The following ITGB5 variants were observed in gnomAD, a reference collection of about 807,000 sequenced individuals.
ITGB5 encodes integrin beta-5.
A neutral mutation model predicts 84.8 loss-of-function variants in ITGB5; 38 were observed. That is an observed-to-expected ratio of 0.45 (90% confidence interval 0.35 to 0.59). The LOEUF (loss-of-function observed/expected upper bound fraction) is 0.59, where lower values mean the gene tolerates loss of function less well. Among genes scored for constraint, ITGB5 ranks in the 20% least tolerant of loss-of-function variants. The probability of loss-of-function intolerance (pLI) is 0.01; values close to 1 mark genes in which losing one functional copy is unlikely to be tolerated. For missense variants in ITGB5, 905 were observed against 1,034.5 expected (o/e 0.87, Z 1.72); for synonymous variants, 393 against 414.4 (o/e 0.95, Z 0.63).
At chr3:124,793,733 C>G (rs967817049) in intron 10 of ITGB5, among the ~76,000 whole-genome samples, 3 of 152,258 alleles carry the variant, frequency 2.0e-5, no homozygotes, top group Admixed American at 1.3e-4. Context: ...CCAGACAGAA[C>G]CATCTAGCTA....
At chr3:124,818,363 C>A (rs2064639549) in intron 7 of ITGB5, among the ~76,000 whole-genome samples, 2 of 152,116 alleles carry the variant, frequency 1.3e-5, no homozygotes, top group African/African-American at 4.8e-5. Context: ...CTTCCTCCCC[C>A]AAGCAAGGTG....
At chr3:124,777,596 T>C (rs117204689) in intron 10 of ITGB5, among the ~76,000 whole-genome samples, 2,095 of 152,308 alleles carry the variant, frequency 0.014, 34 homozygotes, top group South Asian at 0.044. Flanking sequence ...TTCTCCACAC[T>C]TGTGGCAGGC....
chr3:124,776,396 A>G (rs2063927450), intron 10 of ITGB5, among the ~76,000 whole-genome samples: 2 of 152,212 alleles, frequency 1.3e-5, no homozygotes, highest in African/African-American at 4.8e-5. Context: ...TTCAATTAAA[A>G]TGGCTCACTG....
chr3:124,887,514 C>A (rs917690865), upstream of ITGB5: 3 of 183,852 alleles, frequency 1.6e-5, no homozygotes, highest in African/African-American at 7.2e-5. Flanking sequence ...GGGCGAGCTC[C>A]GGGCCGGGCC....
intron 5 of ITGB5, among the ~76,000 whole-genome samples, chr3:124,828,492 A>G (rs2064815792): frequency 6.6e-6 from 1 of 152,222 alleles, no homozygotes; most frequent in Non-Finnish European, 1.5e-5. Flanking sequence ...AAGCAAATTC[A>G]TTGCCTGGGG....
intron 2 of ITGB5, among the ~76,000 whole-genome samples, chr3:124,866,369 C>T (rs2065390466): frequency 6.6e-6 from 1 of 152,232 alleles, no homozygotes; most frequent in African/African-American, 2.4e-5. Flanking sequence ...GCATCACAGC[C>T]AGTGCATTCA....
chr3:124,791,378 A>T (rs2064148054), intron 10 of ITGB5: 1 of 152,198 alleles, frequency 6.6e-6, no homozygotes, highest in Non-Finnish European at 1.5e-5. Flanking sequence ...GTAATAACAG[A>T]GTTGTTCAAT....
rs141443978 is a variant in ITGB5 at position 124,824,242 on chromosome 3, C to T, written c.781-2768G>A. Among the ~76,000 whole-genome samples the T allele has an allele frequency of 1.5e-4, 23 of 152,268 alleles. No individual in the cohort carries two copies. The East Asian group carries it at 4.4e-3, about 29-fold the overall frequency. On this transcript the variant is annotated intron_variant, in intron 5 of 14. Transcript: ENST00000296181. ...ACAAAATATATGCAATGACAGAATG[C>T]ATAGATCAGTGGACTGGGATAGATA...
intron 1 of ITGB5, among the ~76,000 whole-genome samples, chr3:124,874,306 GAA>G (rs59287818): frequency 0.03 from 3,409 of 113,316 alleles, 56 homozygotes; most frequent in Non-Finnish European, 0.045. Context: ...TCAAAAGCCG[GAA>G]AAAAAAAAAA....
chr3:124,828,550 C>T (rs898780777), intron 5 of ITGB5, among the ~76,000 whole-genome samples: 2 of 152,170 alleles, frequency 1.3e-5, no homozygotes, highest in Non-Finnish European at 1.5e-5. Context: ...TAAAGGGGCA[C>T]AAATACACTT....
intron 9 of ITGB5, among the ~76,000 whole-genome samples, chr3:124,807,716 C>T (rs951559215): frequency 6.6e-6 from 1 of 151,456 alleles, no homozygotes. Flanking sequence ...GAGGCCGAGG[C>T]GGGTGGATCA....
chr3:124,873,310 T>C lies in ITGB5; in HGVS notation c.156+136A>G, dbSNP rs2291091. On this transcript the variant is annotated intron_variant, in intron 2 of 14. Transcript: ENST00000296181. ...TGGATTTGTCATCACTCTGCCCTGA[T>C]GGGGAAGAGGCAGCTTACAGAATCT... 1.2e-3 allele frequency: 903 copies of C among 729,170 alleles called. 8 individuals carry two copies. In the East Asian group the frequency reaches 0.018, roughly 15 times the overall value. 45.2% of individuals were successfully genotyped at this position (729,170 alleles called of 1,614,324 possible).
intron 4 of ITGB5, among the ~76,000 whole-genome samples, chr3:124,843,552 A>G (rs1199086148): frequency 6.6e-6 from 1 of 152,242 alleles, no homozygotes; most frequent in Non-Finnish European, 1.5e-5. Flanking sequence ...GTTAGGAATT[A>G]GAAGATGTGT....
At chr3:124,862,716 C>G (rs1244774249) in intron 2 of ITGB5, 1 of 152,194 alleles carries the variant, frequency 6.6e-6, no homozygotes, top group East Asian at 1.9e-4. Flanking sequence ...GAGCAAAGCC[C>G]TCTTCATGCC....
At chr3:124,833,791 G>C (rs1200478652) in intron 5 of ITGB5, among the ~76,000 whole-genome samples, 1 of 152,182 alleles carries the variant, frequency 6.6e-6, no homozygotes, top group Non-Finnish European at 1.5e-5. Context: ...GCAGTGTCTG[G>C]TGCTGGGAAT....
chr3:124,889,809 TCGAGATGAGCCTGGCTAAACATGG>T (rs1305456853), upstream of ITGB5, among the ~76,000 whole-genome samples: 1 of 152,108 alleles, frequency 6.6e-6, no homozygotes, highest in East Asian at 1.9e-4. Flanking sequence ...AGGCCAAAGT[TCGAGATGAGCCTGGCTAAACATGG>T]CGAAACCCTG....
chr3:124,768,687 T>C (rs2063800230), intron 12 of ITGB5, among the ~76,000 whole-genome samples: 2 of 152,260 alleles, frequency 1.3e-5, no homozygotes, highest in South Asian at 4.1e-4. Flanking sequence ...CTATAGCGAA[T>C]AATGCTGCTG....
intron 10 of ITGB5, among the ~76,000 whole-genome samples, chr3:124,779,159 C>T (rs1215203590): frequency 6.6e-6 from 1 of 151,928 alleles, no homozygotes; most frequent in Non-Finnish European, 1.5e-5. Context: ...AACTCGGAGA[C>T]CCACGTGTAG....
chr3:124,837,063 T>C (rs1182173535), intron 5 of ITGB5, among the ~76,000 whole-genome samples: 1 of 152,216 alleles, frequency 6.6e-6, no homozygotes, highest in African/African-American at 2.4e-5. Flanking sequence ...CATAGAATAC[T>C]GTGCAGCCAG....
Sources: gnomAD v4.1 joint callset for allele counts (sites outside exome capture counted in the v4.1 genomes callset) on GRCh38, gnomAD v4.1.1 for gene constraint, MANE v1.5 for transcripts, NCBI Gene and HGNC (gene_info 2026-07-23, HGNC 2026-07-21) for gene names.